The following PAXIP1 variants were observed in gnomAD, a reference collection of about 807,000 sequenced individuals.
PAXIP1 encodes the protein PAX-interacting protein 1.
A neutral mutation model predicts 140.6 loss-of-function variants in PAXIP1; 19 were observed. The ratio of observed to expected loss-of-function variants is 0.14; its 90% confidence interval spans 0.09 to 0.20. The LOEUF (loss-of-function observed/expected upper bound fraction) is 0.20. Among genes scored for constraint, PAXIP1 ranks in the 10% least tolerant of loss-of-function variants. The probability of loss-of-function intolerance (pLI) is 1.00; values close to 1 mark genes in which losing one functional copy is unlikely to be tolerated. For synonymous variants in PAXIP1, 442 were observed against 444.6 expected (o/e 0.99, Z 0.07); for missense variants, 920 against 1,208.6 (o/e 0.76, Z 3.54).
chr7:154,979,643 A>ATT lies in PAXIP1; in HGVS notation c.439-3313_439-3312insAA, dbSNP rs1554510449. On this transcript the variant is annotated intron_variant, in intron 5 of 20. Coordinates refer to ENST00000404141, the MANE Select transcript of PAXIP1 (RefSeq NM_007349.4). ...ATAATCGTGAATCAAGAACATAATT[A>ATT]TATTATGTTAATTATAATGTAAATA... Among the ~76,000 whole-genome samples, 4 of 149,794 alleles carry ATT rather than the reference A, an allele frequency of 2.7e-5. No individual in the cohort carries two copies. The South Asian group carries it at 8.4e-4, about 31-fold the overall frequency.
chr7:154,962,670 A>C (rs1402441611), intron 9 of PAXIP1: 1 of 425,766 alleles, frequency 2.3e-6, no homozygotes, highest in East Asian at 3.9e-5. Context: ...ATCTGCAAAC[A>C]AGAGTCTACA....
Position 154,943,818 on chromosome 7 carries a change from C to A in PAXIP1, c.*331G>T. ...TTTAACATCCATAATTTAGAGATAG[C>A]AAGGTCTTTATTTACACCATTTTAT... is the stretch of plus-strand genomic sequence containing the variant. On this transcript the variant is annotated 3_prime_UTR_variant, in exon 21 of 21. Coordinates refer to ENST00000404141, the MANE Select transcript of PAXIP1 (RefSeq NM_007349.4). 1 of 265,106 alleles carries A rather than the reference C, an allele frequency of 3.8e-6. No individual in the cohort carries two copies. Among genetic ancestry groups the A allele is most frequent in the Non-Finnish European group, 7.3e-6 (1 of 136,820 alleles). 16.4% of individuals were successfully genotyped at this position (265,106 alleles called of 1,614,324 possible). A position where few individuals can be genotyped will look rare whatever the true frequency, so the allele number is the denominator to read the frequency against.
At chr7:154,953,507 C>A (rs1299917430) in intron 16 of PAXIP1, among the ~76,000 whole-genome samples, 1 of 152,098 alleles carries the variant, frequency 6.6e-6, no homozygotes, top group African/African-American at 2.4e-5. Flanking sequence ...TCAACCCAGA[C>A]AGGGCCCAGG....
intron 16 of PAXIP1, chr7:154,951,928 C>T (rs768501295): frequency 1.3e-5 from 2 of 152,198 alleles, no homozygotes; most frequent in African/African-American, 2.4e-5. Flanking sequence ...ATTACAGACC[C>T]GCTTTCCCCA....
At chr7:154,979,861 C>A (rs1809763005) in intron 5 of PAXIP1, among the ~76,000 whole-genome samples, 1 of 152,102 alleles carries the variant, frequency 6.6e-6, no homozygotes, top group South Asian at 2.1e-4. Flanking sequence ...CAGGATCCAA[C>A]AGGAATGAAA....
chr7:154,987,380 T>C (rs999046522), intron 4 of PAXIP1, among the ~76,000 whole-genome samples: 7 of 152,254 alleles, frequency 4.6e-5, no homozygotes, highest in Non-Finnish European at 1.0e-4. Flanking sequence ...TAAAAATGAT[T>C]AAGTGTGACT....
At chr7:154,975,405 C>T (rs1004056745) in intron 6 of PAXIP1, among the ~76,000 whole-genome samples, 1 of 152,078 alleles carries the variant, frequency 6.6e-6, no homozygotes, top group African/African-American at 2.4e-5. Flanking sequence ...GAGTGGAAAC[C>T]CTTCAACGGA....
rs1808072696 is a variant in PAXIP1, at chr7:154,947,898, T to C, written c.2922+5A>G. 1.3e-6 allele frequency: 2 copies of C among 1,584,034 alleles called. No homozygotes were observed. The highest frequency in any genetic ancestry group is 1.7e-6 in the Non-Finnish European group (2 of 1,152,396). On this transcript the variant is annotated splice_donor_5th_base_variant and intron_variant, in intron 17 of 20. Transcript: ENST00000404141. Reference sequence around the variant, plus strand: ...GGACTGATTTACTTTTCCCTTAAAGTGTACCTTAAAGAGTGGAGAAACGTG... The same window carrying C: ...GGACTGATTTACTTTTCCCTTAAAGCGTACCTTAAAGAGTGGAGAAACGTG...
rs539879315 is a variant in PAXIP1, at chr7:154,977,392, A to G, written c.439-1061T>C. Among the ~76,000 whole-genome samples, 2 of 152,346 alleles carry G rather than the reference A, an allele frequency of 1.3e-5. 1 individual carries two copies. Among genetic ancestry groups the G allele is most frequent in the South Asian group, 4.1e-4 (2 of 4,822 alleles). ...CTCCGTGTCCTGTTGCAGAGCCCCA[A>G]GGTGGCATTTGCAATTTCTGGGTGG... On this transcript the variant is annotated intron_variant, in intron 5 of 20. Transcript: ENST00000404141.
At chr7:154,992,042 C>T (rs1158617692) in intron 3 of PAXIP1, among the ~76,000 whole-genome samples, 2 of 152,194 alleles carry the variant, frequency 1.3e-5, no homozygotes, top group African/African-American at 2.4e-5. Context: ...GATCTGTTTC[C>T]ATCTTCCAAC....
chr7:154,953,777 G>A (rs1420686443), intron 16 of PAXIP1, among the ~76,000 whole-genome samples: 2 of 152,172 alleles, frequency 1.3e-5, no homozygotes, highest in Admixed American at 1.3e-4. Flanking sequence ...ATGTCTAAAT[G>A]TGCCTGTTAG....
At position 154,973,087 on chromosome 7, in the gene PAXIP1, TCTAC is replaced by T. The variant is rs149335955; in HGVS notation, c.1074+2605_1074+2608del. The stretch of plus-strand genomic sequence containing the variant: ...TGCTGGAGCTGGCTCCTTCTGTGCA[TCTAC>T]CTTTTCCCTAAACTCGGCTGACCCC... On this transcript the variant is annotated intron_variant, in intron 6 of 20. Transcript: ENST00000404141. The surrounding 1 kb of genome is among the most constrained non-coding windows in gnomAD (Gnocchi z 4.0). Among the ~76,000 whole-genome samples the T allele has an allele frequency of 1.8e-3, 274 of 152,274 alleles. No homozygotes were observed. The highest frequency in any genetic ancestry group is 6.4e-3 in the African/African-American group (264 of 41,558).
intron 4 of PAXIP1, among the ~76,000 whole-genome samples, chr7:154,988,955 A>C (rs140528964): frequency 1.3e-5 from 2 of 152,256 alleles, no homozygotes; most frequent in African/African-American, 4.8e-5. Flanking sequence ...TAAAAATTAC[A>C]TGTAACCATA....
Position 154,986,244 on chromosome 7 carries a change from G to C in PAXIP1, c.325-2912C>G. On this transcript the variant is annotated intron_variant, in intron 4 of 20. Coordinates refer to ENST00000404141, the MANE Select transcript of PAXIP1 (RefSeq NM_007349.4). This position sits in a 1 kb window ranked among gnomAD's most constrained non-coding sequence, Gnocchi z 4.8. The stretch of plus-strand genomic sequence containing the variant: ...GAAACAGTCCTTTTGTAAAGCTGGG[G>C]TCCTGCCTGGCGTGTGCATGTGAGT... The C allele has an allele frequency of 8.2e-7, 1 of 1,217,736 alleles. No homozygotes were observed. Among genetic ancestry groups the C allele is most frequent in the Non-Finnish European group, 1.1e-6 (1 of 927,074 alleles). The allele number at this position is 1,217,736 out of a possible 1,614,324, so 75.4% of individuals were successfully genotyped here.
In PAXIP1 at chr7:154,963,993, AGAG is replaced by A. The variant is rs1563369280; in HGVS notation, c.1894-230_1894-228del. ...ATTTAATCTGAATTCCCAGGATACA[AGAG>A]AAGAACAATGGAATGCACTCCAGGG... On this transcript the variant is annotated intron_variant, in intron 8 of 20. Coordinates refer to ENST00000404141, the MANE Select transcript of PAXIP1 (RefSeq NM_007349.4). This position sits in a 1 kb window ranked among gnomAD's most constrained non-coding sequence, Gnocchi z 4.1. 6.1e-6 allele frequency: 3 copies of A among 493,860 alleles called. No individual in the cohort carries two copies. The highest frequency in any genetic ancestry group is 1.1e-5 in the Non-Finnish European group (3 of 270,968). 30.6% of individuals were successfully genotyped at this position (493,860 alleles called of 1,614,324 possible).
chr7:154,984,929 G>C (rs1404645848), intron 4 of PAXIP1, among the ~76,000 whole-genome samples: 1 of 152,166 alleles, frequency 6.6e-6, no homozygotes, highest in East Asian at 1.9e-4. Flanking sequence ...GACCTCAACA[G>C]GGTGCAGGAG....
chr7:154,961,136 AAT>A, intron 11 of PAXIP1, 59 bp from the exon 12 acceptor site: 1 of 1,261,152 alleles, frequency 7.9e-7, no homozygotes, highest in Non-Finnish European at 1.1e-6. Context: ...CAACTGTCCA[AAT>A]GTACATTTAT....
chr7:154,993,180 C>G (rs958499456), intron 3 of PAXIP1, among the ~76,000 whole-genome samples: 1 of 152,160 alleles, frequency 6.6e-6, no homozygotes, highest in Non-Finnish European at 1.5e-5. Context: ...AGTGCCAGGG[C>G]AAGGGCACAT....
At chr7:154,948,159 T>C (rs1051907599) in intron 16 of PAXIP1, 156 bp from the exon 17 acceptor site, 25 of 616,910 alleles carry the variant, frequency 4.1e-5, no homozygotes, top group Non-Finnish European at 6.4e-5. Flanking sequence ...TTATATTTCA[T>C]TTACTTCCCT....
Sources: allele counts gnomAD v4.1 joint callset (sites outside exome capture counted in the v4.1 genomes callset), GRCh38; gene constraint gnomAD v4.1.1; non-coding constraint Gnocchi (gnomAD v3.1); transcripts MANE v1.5; gene names NCBI Gene and HGNC (gene_info 2026-07-23, HGNC 2026-07-21).